The following RIT2 variants were observed in gnomAD, a reference collection of about 807,000 sequenced individuals.
The protein encoded by RIT2 is GTP-binding protein Rit2.
RIT2 carries 24 observed loss-of-function variants against 23.7 expected under a neutral mutation model. The observed-to-expected ratio is 1.01, with a 90% CI of 0.73 to 1.43. The LOEUF is 1.43. Ranked by LOEUF, RIT2 falls within the 40% of genes most tolerant of loss-of-function variation. The probability of loss-of-function intolerance (pLI) is 0.00; values close to 1 mark genes in which losing one functional copy is unlikely to be tolerated. For synonymous variants in RIT2, 107 were observed against 91.1 expected (o/e 1.17, Z -0.99); for missense variants, 236 against 266.9 (o/e 0.88, Z 0.81).
At chr18:42,832,827 C>A (rs1906496688) in intron 4 of RIT2, among the ~76,000 whole-genome samples, 1 of 151,686 alleles carries the variant, frequency 6.6e-6, no homozygotes, top group Non-Finnish European at 1.5e-5. Context: ...CTGAGGTGGG[C>A]AGATCATTTG....
At chr18:43,051,911 G>A (rs539262167) in intron 1 of RIT2, among the ~76,000 whole-genome samples, 1 of 152,072 alleles carries the variant, frequency 6.6e-6, no homozygotes, top group South Asian at 2.1e-4. Context: ...GGTTCTTTTG[G>A]ACCCTTTTCC....
chr18:42,987,789 C>T (rs1052960036), intron 2 of RIT2, among the ~76,000 whole-genome samples: 1 of 151,976 alleles, frequency 6.6e-6, no homozygotes, highest in African/African-American at 2.4e-5. Flanking sequence ...CTGATGAGGG[C>T]CTCAGGAAAC....
chr18:42,998,312 C>T (rs967729997), intron 2 of RIT2, among the ~76,000 whole-genome samples: 2 of 152,146 alleles, frequency 1.3e-5, no homozygotes, highest in African/African-American at 4.8e-5. Context: ...AACTACAAAT[C>T]AGTTTACCAC....
intron 4 of RIT2, among the ~76,000 whole-genome samples, chr18:42,874,838 G>T (rs1907704897): frequency 6.6e-6 from 1 of 152,056 alleles, no homozygotes. Context: ...GAAAGAGAGT[G>T]AATCCATTTG....
At chr18:42,995,515 A>C (rs1320183848) in intron 2 of RIT2, among the ~76,000 whole-genome samples, 1 of 152,202 alleles carries the variant, frequency 6.6e-6, no homozygotes, top group Non-Finnish European at 1.5e-5. Context: ...GTCCTATAGC[A>C]GACCGGCCTT....
Position 42,984,208 on chromosome 18 carries a change from C to T in RIT2, c.161-10061G>A, listed in dbSNP as rs561377934. 6.6e-5 allele frequency among the ~76,000 whole-genome samples: 10 copies of T among 152,070 alleles called. No individual in the cohort carries two copies. The East Asian group carries it at 1.4e-3, about 21-fold the overall frequency. The stretch of plus-strand genomic sequence containing the variant: ...CACAAACTGTGATACAACCATATCA[C>T]GGAATACTGTTGAATAATAAAAAAG... On this transcript the variant is annotated intron_variant, in intron 2 of 4. Transcript: ENST00000326695.
At chr18:42,891,527 C>A (rs1598702396) in intron 4 of RIT2, among the ~76,000 whole-genome samples, 1 of 151,914 alleles carries the variant, frequency 6.6e-6, no homozygotes, top group Admixed American at 6.6e-5. Flanking sequence ...CATAAACAAA[C>A]CATGGTATAT....
At chr18:42,746,681 T>C (rs1475843717) in intron 4 of RIT2, among the ~76,000 whole-genome samples, 2 of 152,070 alleles carry the variant, frequency 1.3e-5, no homozygotes, top group Non-Finnish European at 1.5e-5. Context: ...ACAATCCTAT[T>C]GACACTAGTA....
intron 1 of RIT2, among the ~76,000 whole-genome samples, chr18:43,034,228 A>G (rs887674798): frequency 3.3e-5 from 5 of 152,130 alleles, no homozygotes; most frequent in Non-Finnish European, 5.9e-5. Context: ...AGTCCCTTTC[A>G]CCAAAGAATC....
At chr18:42,916,286 A>C (rs1301002291) in intron 4 of RIT2, among the ~76,000 whole-genome samples, 2 of 152,104 alleles carry the variant, frequency 1.3e-5, no homozygotes, top group Non-Finnish European at 2.9e-5. Context: ...TTGTCCATAC[A>C]TTTAAAAATT....
intron 3 of RIT2, among the ~76,000 whole-genome samples, chr18:42,935,100 C>G (rs1434394346): frequency 6.6e-6 from 1 of 152,122 alleles, no homozygotes; most frequent in Non-Finnish European, 1.5e-5. Flanking sequence ...AATAAAGAAA[C>G]AGCTGGGACA....
chr18:42,877,091 AT>A (rs1907762688), intron 4 of RIT2, among the ~76,000 whole-genome samples: 1 of 151,848 alleles, frequency 6.6e-6, no homozygotes, highest in Non-Finnish European at 1.5e-5. Context: ...GAGAAATATC[AT>A]TTTTATAGTT....
intron 1 of RIT2, among the ~76,000 whole-genome samples, chr18:43,076,244 C>T (rs1913010708): frequency 6.6e-6 from 1 of 152,138 alleles, no homozygotes; most frequent in Non-Finnish European, 1.5e-5. Flanking sequence ...AAAAAGAGGG[C>T]CATCCCCAGA....
intron 2 of RIT2, among the ~76,000 whole-genome samples, chr18:43,028,754 A>G (rs1911788776): frequency 6.6e-6 from 1 of 151,928 alleles, no homozygotes; most frequent in African/African-American, 2.4e-5. Context: ...GGATACATTA[A>G]TCTATGCAAA....
intron 4 of RIT2, among the ~76,000 whole-genome samples, chr18:42,775,881 A>G (rs573377246): frequency 1.3e-5 from 2 of 151,362 alleles, no homozygotes; most frequent in Admixed American, 1.3e-4. Context: ...ACACACACAC[A>G]GAGATGTAAA....
At chr18:42,918,283 A>G (rs1258412781) in intron 4 of RIT2, among the ~76,000 whole-genome samples, 2 of 152,150 alleles carry the variant, frequency 1.3e-5, no homozygotes, top group African/African-American at 4.8e-5. Flanking sequence ...CAGTTCTACA[A>G]CCATCCAGTT....
intron 3 of RIT2, among the ~76,000 whole-genome samples, chr18:42,965,307 C>T (rs576414209): frequency 6.6e-6 from 1 of 152,178 alleles, no homozygotes; most frequent in South Asian, 2.1e-4. Flanking sequence ...TTTCTCTTAC[C>T]TAATGCTACA....
intron 4 of RIT2, among the ~76,000 whole-genome samples, chr18:42,769,843 T>TATA (rs149525390): frequency 0.21 from 30,112 of 141,182 alleles, 3,293 homozygotes; most frequent in Middle Eastern, 0.28. Context: ...AAACTTAAAG[T>TATA]ATAATAATAA....
chr18:43,041,282 A>G (rs2030277623), intron 1 of RIT2, among the ~76,000 whole-genome samples: 1 of 152,180 alleles, frequency 6.6e-6, no homozygotes, highest in African/African-American at 2.4e-5. Flanking sequence ...TCTTTATAAA[A>G]GTAATTAGGG....
Sources: gnomAD v4.1 joint callset for allele counts (sites outside exome capture counted in the v4.1 genomes callset) on GRCh38, gnomAD v4.1.1 for gene constraint, MANE v1.5 for transcripts, NCBI Gene and HGNC (gene_info 2026-07-23, HGNC 2026-07-21) for gene names.